EIF2B3: variants seen among roughly 807,000 people sequenced by gnomAD.
EIF2B3 encodes translation initiation factor eIF2B subunit gamma.
A neutral mutation model predicts 54.1 loss-of-function variants in EIF2B3; 20 were observed. That is an observed-to-expected ratio of 0.37 (90% confidence interval 0.26 to 0.54). The LOEUF (loss-of-function observed/expected upper bound fraction) is 0.54. Ranked by LOEUF, EIF2B3 falls within the 20% of genes least tolerant of loss-of-function variation. The pLI, the probability that EIF2B3 is intolerant of heterozygous loss-of-function variation, is 0.86. For missense variants in EIF2B3, 448 were observed against 547.8 expected, an observed-to-expected ratio of 0.82 and a Z score of 1.82; for synonymous variants, 153 against 188.1, an observed-to-expected ratio of 0.81 and a Z score of 1.52.
intron 4 of EIF2B3, chr1:44,932,198 A>G (rs1324824063): frequency 1.3e-5 from 2 of 152,144 alleles, no homozygotes; most frequent in African/African-American, 2.4e-5. Context: ...TCCTTTTAAA[A>G]TCAGGAATGA....
chr1:44,968,047 T>TAAATAAAAATAA (rs144844434), intron 3 of EIF2B3, among the ~76,000 whole-genome samples: 20,689 of 145,702 alleles, frequency 0.14, 1,613 homozygotes, highest in Non-Finnish European at 0.17. Flanking sequence ...TGAAAATAAA[T>TAAATAAAAATAA]AAATAAAAAT....
chr1:44,938,602 C>T (rs1190086211), intron 4 of EIF2B3, among the ~76,000 whole-genome samples: 1 of 151,932 alleles, frequency 6.6e-6, no homozygotes, highest in East Asian at 1.9e-4. Flanking sequence ...TCACCTCAGC[C>T]TCCCAGGTAG....
rs559644879 is a variant in EIF2B3, at chr1:44,896,450, G to A, written c.656+905C>T. Among the ~76,000 whole-genome samples, 120 of 152,212 alleles carry A rather than the reference G, an allele frequency of 7.9e-4. No individual in the cohort carries two copies. In the South Asian group the frequency reaches 8.5e-3, roughly 11 times the overall value. On this transcript the variant is annotated intron_variant, in intron 6 of 11. Coordinates refer to ENST00000360403, the MANE Select transcript of EIF2B3 (RefSeq NM_020365.5). ...CAATCCTCCTTCCTCTTAATATTCC[G>A]ATATATATTCAAGTCCATCAGCCAA...
At chr1:44,871,790 T>C (rs1010914253) in intron 10 of EIF2B3, among the ~76,000 whole-genome samples, 2 of 152,094 alleles carry the variant, frequency 1.3e-5, no homozygotes, top group Admixed American at 6.5e-5. Context: ...TTGGGGAAGG[T>C]TCCTCTGAAG....
chr1:44,900,814 T>A (rs577697648), intron 5 of EIF2B3, among the ~76,000 whole-genome samples: 2 of 152,328 alleles, frequency 1.3e-5, no homozygotes, highest in African/African-American at 4.8e-5. Context: ...CATTTCCCTA[T>A]GACATGATGT....
chr1:44,904,084 AAAAC>A (rs1036116851), intron 5 of EIF2B3, among the ~76,000 whole-genome samples: 2 of 152,154 alleles, frequency 1.3e-5, no homozygotes, highest in Non-Finnish European at 2.9e-5. Flanking sequence ...TCAAAAAAAC[AAAAC>A]AAACAAACAA....
At chr1:44,875,528 G>T in intron 9 of EIF2B3, 90 bp downstream of exon 9, 2 of 1,227,430 alleles carry the variant, frequency 1.6e-6, no homozygotes, top group Non-Finnish European at 2.4e-6. Flanking sequence ...TGAGGTTCAG[G>T]ACTTAAAGGC....
At chr1:44,909,182 G>C (rs1363395988) in intron 5 of EIF2B3, among the ~76,000 whole-genome samples, 1 of 152,166 alleles carries the variant, frequency 6.6e-6, no homozygotes, top group Non-Finnish European at 1.5e-5. Context: ...AAAAAAGAGA[G>C]GGTAGGAGTG....
At chr1:44,854,753 A>G (rs1654386467) in intron 11 of EIF2B3, among the ~76,000 whole-genome samples, 2 of 151,258 alleles carry the variant, frequency 1.3e-5, no homozygotes, top group Admixed American at 1.3e-4. Flanking sequence ...ACGCCCGGCT[A>G]ATTTTTTGTA....
intron 6 of EIF2B3, among the ~76,000 whole-genome samples, chr1:44,894,167 T>TCGAGAGGAGGTCGCGGCGCCGGAGGCCC (rs1655891863): frequency 6.6e-6 from 1 of 152,160 alleles, no homozygotes; most frequent in South Asian, 2.1e-4. Context: ...GGAATCACAG[T>TCGAGAGGAGGTCGCGGCGCCGGAGGCCC]CACAATACTC....
chr1:44,941,407 G>A (rs1644019796), intron 4 of EIF2B3, 99 bp downstream of exon 4: 1 of 1,352,492 alleles, frequency 7.4e-7, no homozygotes, highest in Non-Finnish European at 1.0e-6. Context: ...AATCTGTGAT[G>A]TATAGTAGAT....
At chr1:44,924,231 C>T (rs559938963) in intron 5 of EIF2B3, among the ~76,000 whole-genome samples, 28 of 150,562 alleles carry the variant, frequency 1.9e-4, no homozygotes, top group African/African-American at 5.4e-4. Flanking sequence ...TGAGCCACCG[C>T]GCCCAGCCAG....
intron 5 of EIF2B3, among the ~76,000 whole-genome samples, chr1:44,924,514 A>G (rs1312976505): frequency 2.0e-5 from 3 of 152,020 alleles, no homozygotes; most frequent in Non-Finnish European, 4.4e-5. Flanking sequence ...CAGCCTCCCA[A>G]GTAGCTGGGA....
intron 5 of EIF2B3, among the ~76,000 whole-genome samples, chr1:44,909,711 T>G (rs1643476807): frequency 6.6e-6 from 1 of 152,188 alleles, no homozygotes; most frequent in African/African-American, 2.4e-5. Context: ...TGGGAAAGGT[T>G]TGTGATCCTA....
intron 11 of EIF2B3, among the ~76,000 whole-genome samples, chr1:44,856,410 G>C (rs1016600644): frequency 2.6e-5 from 4 of 151,658 alleles, no homozygotes; most frequent in Non-Finnish European, 4.4e-5. Context: ...AGCTGCCCGG[G>C]AGGCTGAGGC....
At chr1:44,931,152 T>G (rs771552793) in intron 4 of EIF2B3, among the ~76,000 whole-genome samples, 3 of 152,190 alleles carry the variant, frequency 2.0e-5, no homozygotes, top group Non-Finnish European at 4.4e-5. Flanking sequence ...AGTTTCTCCC[T>G]TGCTGGCTTT....
At chr1:44,955,951 T>G (rs988286746) in intron 3 of EIF2B3, among the ~76,000 whole-genome samples, 9 of 152,196 alleles carry the variant, frequency 5.9e-5, no homozygotes, top group African/African-American at 2.2e-4. Flanking sequence ...GAAGACAGTG[T>G]GGTGATTCCT....
intron 1 of EIF2B3, among the ~76,000 whole-genome samples, chr1:44,985,697 A>T (rs1158156761): frequency 6.6e-6 from 1 of 152,216 alleles, no homozygotes; most frequent in Non-Finnish European, 1.5e-5. Context: ...GGAAGCATGA[A>T]TAGTAATCAT....
In EIF2B3 at chr1:44,942,377, TTATATATATATATATATATA is replaced by T. The variant is rs1170326455; in HGVS notation, c.295-732_295-713del. Reference sequence around the variant, plus strand: ...TCTCTTATTGGTGGGCTTTCTGATTTTATATATATATATATATATATATATATATATATATATATATTTTT... The same window carrying T: ...TCTCTTATTGGTGGGCTTTCTGATTTTATATATATATATATATATATTTTT... On this transcript the variant is annotated intron_variant, in intron 3 of 11. Transcript: ENST00000360403. Among the ~76,000 whole-genome samples the T allele has an allele frequency of 9.3e-4, 20 of 21,596 alleles. 1 individual carries two copies. The highest frequency in any genetic ancestry group is 7.2e-3 in the East Asian group (4 of 554). The allele number at this position is 21,596 out of a possible 152,430, so 14.2% of individuals were successfully genotyped here.
Sources: gnomAD v4.1 joint callset for allele counts (sites outside exome capture counted in the v4.1 genomes callset) on GRCh38, gnomAD v4.1.1 for gene constraint, MANE v1.5 for transcripts, NCBI Gene and HGNC (gene_info 2026-07-23, HGNC 2026-07-21) for gene names.